EPHA6: variants seen among roughly 807,000 people sequenced by gnomAD.
EPHA6 encodes the protein ephrin type-A receptor 6.
Under a neutral mutation model 112.0 loss-of-function variants are expected in EPHA6, and 50 were observed. The observed-to-expected ratio is 0.45, with a 90% CI of 0.36 to 0.56. The LOEUF is 0.56. EPHA6 is among the 20% of genes least tolerant of loss of function. EPHA6 has a pLI of 0.00. For synonymous variants in EPHA6, 529 were observed against 490.7 expected (o/e 1.08, Z -1.03); for missense variants, 1,280 against 1,417.4 (o/e 0.90, Z 1.56).
At chr3:96,906,744 G>A (rs1382525416) in intron 2 of EPHA6, among the ~76,000 whole-genome samples, 1 of 151,940 alleles carries the variant, frequency 6.6e-6, no homozygotes, top group Non-Finnish European at 1.5e-5. Context: ...GGGTTAATAG[G>A]TGGAGTTTTT....
At chr3:97,651,263 A>G (rs930384586) in intron 14 of EPHA6, among the ~76,000 whole-genome samples, 1 of 152,058 alleles carries the variant, frequency 6.6e-6, no homozygotes, top group Non-Finnish European at 1.5e-5. Flanking sequence ...ACCTAAAACA[A>G]TCTTCAATAT....
chr3:97,410,053 G>A (rs889076822), intron 6 of EPHA6, among the ~76,000 whole-genome samples: 10 of 151,928 alleles, frequency 6.6e-5, no homozygotes, highest in African/African-American at 2.4e-4. Context: ...TTTTCATTAT[G>A]GGAAATATTT....
intron 10 of EPHA6, among the ~76,000 whole-genome samples, chr3:97,516,541 T>G (rs942725977): frequency 4.6e-5 from 7 of 152,204 alleles, no homozygotes; most frequent in Non-Finnish European, 7.4e-5. Context: ...TGACAAGCAC[T>G]GAATACAGTC....
Position 97,754,293 on chromosome 3 carries a change from G to A in EPHA6, c.*5592G>A, listed in dbSNP as rs896451918. Among the ~76,000 whole-genome samples the A allele has an allele frequency of 3.3e-5, 5 of 151,904 alleles. No individual in the cohort carries two copies. Among genetic ancestry groups the A allele is most frequent in the Non-Finnish European group, 7.4e-5 (5 of 67,968 alleles). On this transcript the variant is annotated 3_prime_UTR_variant, in exon 18 of 18. Transcript: ENST00000389672. Reference sequence around the variant, plus strand: ...AGTAGAGACGGGATTTCTCCATGTTGGTTAGGCTGGTCTCGAACTCCCGAC... The same window carrying A: ...AGTAGAGACGGGATTTCTCCATGTTAGTTAGGCTGGTCTCGAACTCCCGAC...
At chr3:97,489,547 G>A (rs542680469) in intron 10 of EPHA6, among the ~76,000 whole-genome samples, 15 of 151,738 alleles carry the variant, frequency 9.9e-5, no homozygotes, top group Admixed American at 3.3e-4. Context: ...TTAGCAGGGC[G>A]TTGTGGCGGG....
At chr3:97,721,691 A>G (rs2034535916) in intron 15 of EPHA6, among the ~76,000 whole-genome samples, 2 of 152,116 alleles carry the variant, frequency 1.3e-5, no homozygotes, top group Non-Finnish European at 2.9e-5. Context: ...CAACACTTAG[A>G]CTTTTTGGAT....
intron 3 of EPHA6, among the ~76,000 whole-genome samples, chr3:97,221,390 T>C (rs1229103364): frequency 1.9e-5 from 2 of 107,948 alleles, no homozygotes; most frequent in East Asian, 5.8e-4. Context: ...GAAAAAATAA[T>C]AGAAACCACT....
At chr3:97,547,083 T>C (rs1443824033) in intron 11 of EPHA6, among the ~76,000 whole-genome samples, 1 of 152,238 alleles carries the variant, frequency 6.6e-6, no homozygotes, top group Middle Eastern at 3.2e-3. Flanking sequence ...TCATTCTCCG[T>C]CCATCTTTGT....
intron 1 of EPHA6, among the ~76,000 whole-genome samples, chr3:96,864,894 T>G (rs920986913): frequency 3.9e-5 from 6 of 152,096 alleles, no homozygotes; most frequent in Non-Finnish European, 8.8e-5. Context: ...ATTAAGATAT[T>G]GTAAGTATAT....
At chr3:97,282,369 T>G (rs1188082511) in intron 5 of EPHA6, among the ~76,000 whole-genome samples, 1 of 152,150 alleles carries the variant, frequency 6.6e-6, no homozygotes, top group Non-Finnish European at 1.5e-5. Flanking sequence ...GAAATAGGAA[T>G]GCTTTTACGC....
chr3:97,662,669 A>G (rs544562763), intron 14 of EPHA6, among the ~76,000 whole-genome samples: 1 of 152,342 alleles, frequency 6.6e-6, no homozygotes, highest in African/African-American at 2.4e-5. Flanking sequence ...TTTAGGGAAT[A>G]TTTAAAGATG....
rs978480103 is a variant in EPHA6, at chr3:97,758,177, A to G, written c.*9476A>G. Among the ~76,000 whole-genome samples, 9 of 151,972 alleles carry G rather than the reference A, an allele frequency of 5.9e-5. No individual in the cohort carries two copies. Among genetic ancestry groups the G allele is most frequent in the Admixed American group, 5.9e-4 (9 of 15,256 alleles). ...GTGAAAAGCTACTCCATTTACGTGT[A>G]ATCTGCTTATTTTCTTCAGAGTTTC... is the stretch of plus-strand genomic sequence containing the variant. On this transcript the variant is annotated 3_prime_UTR_variant, in exon 18 of 18. Coordinates refer to ENST00000389672, the MANE Select transcript of EPHA6 (RefSeq NM_001080448.3).
intron 2 of EPHA6, among the ~76,000 whole-genome samples, chr3:96,929,595 C>T (rs968589614): frequency 6.6e-6 from 1 of 152,120 alleles, no homozygotes; most frequent in East Asian, 1.9e-4. Context: ...AGAGGTCTGC[C>T]GTTCGTCTGT....
chr3:97,186,146 G>T (rs2077128508), intron 3 of EPHA6, among the ~76,000 whole-genome samples: 1 of 151,940 alleles, frequency 6.6e-6, no homozygotes, highest in Admixed American at 6.6e-5. Context: ...ACACCAGCAT[G>T]GCACATGTTT....
At chr3:96,994,199 A>G in intron 3 of EPHA6, 1 of 404,666 alleles carries the variant, frequency 2.5e-6, no homozygotes, top group Non-Finnish European at 5.2e-6. Context: ...GCTAAAATTT[A>G]AAAGCAAACA....
chr3:97,261,975 C>T (rs1208079676), intron 5 of EPHA6, among the ~76,000 whole-genome samples: 2 of 152,092 alleles, frequency 1.3e-5, no homozygotes, highest in African/African-American at 4.8e-5. Context: ...GAGACCTGGA[C>T]CTAGGGAGAG....
intron 13 of EPHA6, among the ~76,000 whole-genome samples, chr3:97,626,784 C>T (rs1468628049): frequency 6.6e-6 from 1 of 151,684 alleles, no homozygotes; most frequent in Non-Finnish European, 1.5e-5. Context: ...GGAGTAGTTA[C>T]ACCACAGGAA....
chr3:97,172,899 G>C (rs1037556202), intron 3 of EPHA6, among the ~76,000 whole-genome samples: 1 of 151,924 alleles, frequency 6.6e-6, no homozygotes, highest in Admixed American at 6.6e-5. Flanking sequence ...TTTTTATTGA[G>C]CAAACAGAAT....
At chr3:97,517,184 A>G (rs2092460672) in intron 10 of EPHA6, among the ~76,000 whole-genome samples, 1 of 152,166 alleles carries the variant, frequency 6.6e-6, no homozygotes, top group Admixed American at 6.6e-5. Flanking sequence ...GTTGTGTAGT[A>G]AGTATATTAA....
Sources: gnomAD v4.1 joint callset for allele counts (sites outside exome capture counted in the v4.1 genomes callset) on GRCh38, gnomAD v4.1.1 for gene constraint, MANE v1.5 for transcripts, NCBI Gene and HGNC (gene_info 2026-07-23, HGNC 2026-07-21) for gene names.